The following NBPF12 variants were observed in gnomAD, a reference collection of about 807,000 sequenced individuals.
The protein encoded by NBPF12 is NBPF member 12.
NBPF12 carries 115 observed loss-of-function variants against 146.4 expected under a neutral mutation model. The ratio of observed to expected loss-of-function variants is 0.79; its 90% CI spans 0.68 to 0.92. NBPF12 has a LOEUF of 0.92. NBPF12 is among the 40% of genes least tolerant of loss of function. NBPF12 has a pLI of 0.00. For synonymous variants in NBPF12, 385 were observed against 508.9 expected, an observed-to-expected ratio of 0.76 and a Z score of 3.28; for missense variants, 1,205 against 1,326.8, an observed-to-expected ratio of 0.91 and a Z score of 1.43.
exon 34 of NBPF12, chr1:146,995,523 T>C (rs1658489435): frequency 6.6e-6 from 1 of 151,540 alleles, no homozygotes; most frequent in Admixed American, 6.6e-5. Context: ...CCCAAATATT[T>C]CCTCATCTTT....
At chr1:146,973,495 AGCAGGGAGTAGGGGCCGT>A (rs1344443432) in intron 14 of NBPF12, among the ~76,000 whole-genome samples, 15,659 of 142,996 alleles carry the variant, frequency 0.11, 187 homozygotes, top group Admixed American at 0.2. Flanking sequence ...CAGCATCAAG[AGCAGGGAGTAGGGGCCGT>A]GCATGGTGGC....
intron 8 of NBPF12, among the ~76,000 whole-genome samples, chr1:146,965,429 T>A (rs1469356750): frequency 6.7e-6 from 1 of 149,796 alleles, no homozygotes; most frequent in African/African-American, 2.5e-5. Flanking sequence ...GAGATGATCC[T>A]CCCACCCTCA....
chr1:146,977,049 A>G (rs1657083247), intron 17 of NBPF12, 48 bp downstream of exon 20: 3 of 669,150 alleles, frequency 4.5e-6, no homozygotes, highest in Non-Finnish European at 2.7e-6. Context: ...ACATATGAAG[A>G]ATATCTAGGA....
At chr1:146,977,989 T>G (rs1657153433) in intron 18 of NBPF12, among the ~76,000 whole-genome samples, 1 of 152,034 alleles carries the variant, frequency 6.6e-6, no homozygotes, top group East Asian at 1.9e-4. Flanking sequence ...CATCTGTCCA[T>G]GAACAATGTC....
At chr1:146,967,304 C>T (rs1355723080) in intron 9 of NBPF12, among the ~76,000 whole-genome samples, 2 of 150,664 alleles carry the variant, frequency 1.3e-5, no homozygotes, top group Non-Finnish European at 2.9e-5. Flanking sequence ...AGTTTGAGAC[C>T]AGCCTGGGCA....
At chr1:146,971,331 T>C in exon 13 of NBPF12, 1 of 1,611,972 alleles carries the variant, frequency 6.2e-7, no homozygotes, top group Admixed American at 1.7e-5. Flanking sequence ...AGTCAACTCA[T>C]CTCTGGTTGT....
At chr1:146,962,829 A>G (rs1655944735) in intron 5 of NBPF12, among the ~76,000 whole-genome samples, 2 of 150,746 alleles carry the variant, frequency 1.3e-5, no homozygotes, top group Admixed American at 1.3e-4. Flanking sequence ...TTTGAAACGG[A>G]ATTAGGAAGA....
intron 19 of NBPF12, among the ~76,000 whole-genome samples, chr1:146,980,142 C>T (rs1167254712): frequency 1.3e-5 from 2 of 151,958 alleles, no homozygotes; most frequent in African/African-American, 4.8e-5. Flanking sequence ...GCAACCCCTG[C>T]ATTTTTTTGC....
upstream of NBPF12, among the ~76,000 whole-genome samples, chr1:146,946,195 G>C (rs1655055986): frequency 6.6e-6 from 1 of 151,574 alleles, no homozygotes; most frequent in Non-Finnish European, 1.5e-5. Flanking sequence ...CTTGGTGAAA[G>C]ACGTCTTGGG....
At chr1:146,947,954 A>G (rs1330103679), upstream of NBPF12, among the ~76,000 whole-genome samples, 9 of 152,106 alleles carry the variant, frequency 5.9e-5, no homozygotes, top group South Asian at 2.1e-4. Flanking sequence ...TAAAATTGAG[A>G]TGATACATTT....
intron 10 of NBPF12, among the ~76,000 whole-genome samples, chr1:146,969,078 C>G (rs1293310691): frequency 4.0e-5 from 6 of 151,300 alleles, no homozygotes; most frequent in Admixed American, 3.3e-4. Flanking sequence ...ATGTCCATGG[C>G]CAGAGTGAGG....
chr1:146,979,963 G>A (rs1657264561), intron 19 of NBPF12, among the ~76,000 whole-genome samples: 1 of 111,810 alleles, frequency 8.9e-6, no homozygotes, highest in Non-Finnish European at 1.8e-5. Context: ...CTCTTTGTAG[G>A]TCTCTCAGGA....
intron 8 of NBPF12, among the ~76,000 whole-genome samples, chr1:146,965,585 A>G: frequency 6.8e-6 from 1 of 147,684 alleles, no homozygotes; most frequent in Non-Finnish European, 1.5e-5. Context: ...GATTGAGACC[A>G]TCCTGGCTAA....
rs1370742888 is a variant in NBPF12 at position 146,953,475 on chromosome 1, C to G, written c.-184+1986C>G. The stretch of plus-strand genomic sequence containing the variant: ...CCGCCCGCCTCAGCCTCCCAAAGTG[C>G]TGGGATTACAGGCGTGAGCCACCAT... On this transcript the variant is annotated intron_variant, in intron 2 of 33. Transcript: ENST00000617844. Among the ~76,000 whole-genome samples, 26 of 134,066 alleles carry G rather than the reference C, an allele frequency of 1.9e-4. No individual in the cohort carries two copies. The South Asian group carries it at 6.1e-3, about 32-fold the overall frequency. The allele number at this position is 134,066 out of a possible 152,430, so 88.0% of individuals were successfully genotyped here.
At chr1:146,972,656 A>C in intron 13 of NBPF12, 95 bp from the exon 17 acceptor site, 1 of 1,055,216 alleles carries the variant, frequency 9.5e-7, no homozygotes, top group South Asian at 1.3e-5. Context: ...TCAAATAAGT[A>C]GACAAGGCTA....
chr1:146,970,804 G>C (rs1430112662), intron 12 of NBPF12, 85 bp downstream of exon 15: 1 of 1,166,604 alleles, frequency 8.6e-7, no homozygotes, highest in Non-Finnish European at 1.3e-6. Flanking sequence ...ATCTATGATG[G>C]GCCAAAAGCC....
exon 5 of NBPF12, chr1:146,962,232 G>A: frequency 2.5e-6 from 4 of 1,607,226 alleles, no homozygotes; most frequent in South Asian, 2.2e-5. Flanking sequence ...GGAGAAGCTT[G>A]CAGAGCAGCT....
intron 21 of NBPF12, among the ~76,000 whole-genome samples, chr1:146,984,543 C>A (rs1379279741): frequency 0.014 from 1,923 of 140,306 alleles, 1 homozygote; most frequent in Middle Eastern, 0.031. Flanking sequence ...ACTCCCTCAT[C>A]AGTGTGTCAC....
chr1:146,939,983 TA>T (rs1260075296), intron 1 of NBPF12, among the ~76,000 whole-genome samples: 122,405 of 139,132 alleles, frequency 0.88, 53,676 homozygotes, highest in South Asian at 0.94. Context: ...AGACTCCCTC[TA>T]AAAAAAAAAA....
Sources: allele counts gnomAD v4.1 joint callset (sites outside exome capture counted in the v4.1 genomes callset), GRCh38; gene constraint gnomAD v4.1.1; transcripts MANE v1.5; gene names NCBI Gene and HGNC (gene_info 2026-07-23, HGNC 2026-07-21).